The following MOBP variants were observed in gnomAD, a reference collection of about 807,000 sequenced individuals.
MOBP encodes myelin associated oligodendrocyte basic protein.
MOBP carries 5 observed loss-of-function variants against 15.0 expected under a neutral mutation model. The observed-to-expected ratio is 0.33, with a 90% CI of 0.17 to 0.70. The LOEUF (loss-of-function observed/expected upper bound fraction) is 0.70. MOBP is among the 30% of genes least tolerant of loss of function. The pLI, the probability that MOBP is intolerant of heterozygous loss-of-function variation, is 0.67. For missense variants in MOBP, 188 were observed against 257.8 expected (o/e 0.73, Z 1.85); for synonymous variants, 88 against 99.0 (o/e 0.89, Z 0.66).
At chr3:39,495,347 G>C (rs1367215725) in intron 2 of MOBP, among the ~76,000 whole-genome samples, 1 of 151,634 alleles carries the variant, frequency 6.6e-6, no homozygotes, top group Non-Finnish European at 1.5e-5. Context: ...TTAAAATGAA[G>C]ATTAAAAATT....
At chr3:39,523,885 T>C (rs527724265) in intron 3 of MOBP, among the ~76,000 whole-genome samples, 96 of 152,296 alleles carry the variant, frequency 6.3e-4, no homozygotes, top group African/African-American at 2.3e-3. Context: ...CATCTGTGCC[T>C]CAGTTTCTTA....
intron 2 of MOBP, among the ~76,000 whole-genome samples, chr3:39,495,064 C>A (rs1172996717): frequency 6.6e-6 from 1 of 152,104 alleles, no homozygotes; most frequent in Non-Finnish European, 1.5e-5. Context: ...GGCTCCTGTA[C>A]CCAGGAGTAA....
At chr3:39,482,083 T>C (rs1398934266) in intron 2 of MOBP, among the ~76,000 whole-genome samples, 10 of 152,138 alleles carry the variant, frequency 6.6e-5, no homozygotes, top group Non-Finnish European at 1.5e-4. Flanking sequence ...TCAACTTGAA[T>C]CCATTAAAAG....
intron 1 of MOBP, among the ~76,000 whole-genome samples, chr3:39,473,852 G>T (rs1050163635): frequency 1.3e-5 from 2 of 152,180 alleles, no homozygotes; most frequent in Non-Finnish European, 2.9e-5. Flanking sequence ...AAGCTATAAG[G>T]TTGTGTAATA....
intron 4 of MOBP, among the ~76,000 whole-genome samples, chr3:39,512,513 A>G (rs1258263157): frequency 6.6e-6 from 1 of 152,182 alleles, no homozygotes; most frequent in Non-Finnish European, 1.5e-5. Context: ...TTTTTCTGGT[A>G]TCCTCAATCC....
At chr3:39,471,567 C>T (rs1474006775) in intron 1 of MOBP, among the ~76,000 whole-genome samples, 1 of 152,186 alleles carries the variant, frequency 6.6e-6, no homozygotes, top group Non-Finnish European at 1.5e-5. Context: ...ATATGATGGG[C>T]TGACACCAAA....
In MOBP at chr3:39,502,204, C is replaced by A; in HGVS notation, c.135C>A (p.Ser45Arg). 6.2e-7 allele frequency: 1 copy of A among 1,614,234 alleles called. No individual in the cohort carries two copies. The highest frequency in any genetic ancestry group is 8.5e-7 in the Non-Finnish European group (1 of 1,180,038). Residue 45 changes from serine (S) to arginine (R), a missense_variant, in exon 3 of 4, where the codon AGC becomes AGA. By Grantham distance (110) the Ser-to-Arg change is moderately radical (BLOSUM62 -1). Coordinates refer to ENST00000684792, the MANE Select transcript of MOBP (RefSeq NM_001393704.1). This position sits in a 1 kb window ranked among gnomAD's most constrained non-coding sequence, Gnocchi z 6.3. Reference sequence around the variant, plus strand: ...AGGAGATAGTGGATCGGAAATACAGCATCTGTAAGAGCGGCTGCTTCTACC... The same window carrying A: ...AGGAGATAGTGGATCGGAAATACAGAATCTGTAAGAGCGGCTGCTTCTACC... ...SKKEIVDRKY[S>R]ICKSGCFYQK...
chr3:39,486,799 T>C (rs2042717114), intron 2 of MOBP, among the ~76,000 whole-genome samples: 1 of 152,200 alleles, frequency 6.6e-6, no homozygotes, highest in African/African-American at 2.4e-5. Flanking sequence ...TCGGGTTGTT[T>C]TTTCCTAATG....
intron 2 of MOBP, among the ~76,000 whole-genome samples, chr3:39,487,256 T>A (rs1386881485): frequency 6.6e-6 from 1 of 152,058 alleles, no homozygotes; most frequent in Non-Finnish European, 1.5e-5. Context: ...AGTTTTTAAT[T>A]TTGATGTAAT....
downstream of MOBP, chr3:39,529,068 C>G (rs1350554686): frequency 6.6e-6 from 1 of 152,168 alleles, no homozygotes; most frequent in Non-Finnish European, 1.5e-5. Context: ...CTCACTATGA[C>G]TCACTATAAG....
intron 1 of MOBP, among the ~76,000 whole-genome samples, chr3:39,468,092 TA>T (rs57774213): frequency 0.25 from 38,119 of 151,004 alleles, 6,037 homozygotes; most frequent in African/African-American, 0.45. Flanking sequence ...TTTTTTTTTT[TA>T]ATTTATTTCT....
chr3:39,495,569 C>T (rs2042866301), intron 2 of MOBP, among the ~76,000 whole-genome samples: 2 of 151,150 alleles, frequency 1.3e-5, no homozygotes, highest in African/African-American at 4.9e-5. Context: ...CACTTGAGCC[C>T]AGGGAGAGCC....
Position 39,502,544 on chromosome 3 carries a change from C to T in MOBP, c.216C>T (p.Arg72=), listed in dbSNP as rs1381791291. The T allele has an allele frequency of 2.5e-6, 4 of 1,579,280 alleles. 1 individual carries two copies. The South Asian group carries it at 3.4e-5, about 14-fold the overall frequency. ...CCACQKTRTS[R]RAKSPQRPKQ... Reference sequence around the variant, plus strand: ...CTTTTGGCCCTCTCAGAACCAGCCGCCGTGCCAAGTCCCCTCAGAGGCCCA... The same window carrying T: ...CTTTTGGCCCTCTCAGAACCAGCCGTCGTGCCAAGTCCCCTCAGAGGCCCA... Residue 72 remains arginine, a synonymous_variant, in exon 4 of 4, where the codon CGC becomes CGT. Coordinates refer to ENST00000684792, the MANE Select transcript of MOBP (RefSeq NM_001393704.1). This position sits in a 1 kb window ranked among gnomAD's most constrained non-coding sequence, Gnocchi z 6.3.
rs781467178 is a variant in MOBP, at chr3:39,502,588, C to T, written c.260C>T (p.Pro87Leu). 2.4e-5 allele frequency: 37 copies of T among 1,572,838 alleles called. No homozygotes were observed. Among genetic ancestry groups the T allele is most frequent in the Middle Eastern group, 1.7e-4 (1 of 6,024 alleles). Residue 87 changes from proline to leucine, a missense_variant, in exon 4 of 4, where the codon CCC becomes CTC. Pro to Leu is a moderately conservative substitution (Grantham distance 98). Around this residue, in one of 2 missense-constraint regions of MOBP, gnomAD observed 133 missense variants for 212.5 expected, o/e 0.63. Transcript: ENST00000684792. This position sits in a 1 kb window ranked among gnomAD's most constrained non-coding sequence, Gnocchi z 6.3. ...AGGCCCAAGCAACAGCCAGCTGCGC[C>T]CCCCGCGGTGGTCAGAGCGCCAGCC... ...PQRPKQQPAA[P>L]PAVVRAPAKP...
chr3:39,480,245 A>G (rs1319459432), intron 2 of MOBP, 122 bp downstream of exon 2: 4 of 152,212 alleles, frequency 2.6e-5, no homozygotes, highest in Non-Finnish European at 5.9e-5. Flanking sequence ...TCAAATTTTC[A>G]GTAAGAGTTA....
rs114239362 is a variant in MOBP, at chr3:39,508,917, G to A, written c.*-4466G>A. ...TCTGAATATCTGTCTTATACCCCTG[G>A]GAAAACCCCAGCCTTGGATGAACAC... On this transcript the variant is annotated intron_variant, in intron 4 of 4. Coordinates refer to the MOBP transcript ENST00000311042. 5.7e-3 allele frequency among the ~76,000 whole-genome samples: 862 copies of A among 151,896 alleles called. 6 individuals are homozygous for A. The highest frequency in any genetic ancestry group is 6.3e-3 in the Non-Finnish European group (431 of 67,960).
chr3:39,476,886 C>G (rs143757931), intron 1 of MOBP, among the ~76,000 whole-genome samples: 77 of 151,798 alleles, frequency 5.1e-4, no homozygotes, highest in African/African-American at 1.8e-3. Flanking sequence ...TTCCATTGAC[C>G]ATTAAAAAAA....
At chr3:39,522,936 A>C (rs759074181) in intron 3 of MOBP, among the ~76,000 whole-genome samples, 16 of 152,232 alleles carry the variant, frequency 1.1e-4, no homozygotes, top group Non-Finnish European at 1.9e-4. Flanking sequence ...CTAGCCTAGG[A>C]CCAAGTGCAA....
downstream of MOBP, chr3:39,527,594 A>T (rs1462716429): frequency 1.3e-5 from 2 of 152,036 alleles, no homozygotes; most frequent in African/African-American, 4.8e-5. Flanking sequence ...AGTAGCTGGG[A>T]TTACAGGCAC....
Sources: allele counts gnomAD v4.1 joint callset (sites outside exome capture counted in the v4.1 genomes callset), GRCh38; gene constraint gnomAD v4.1.1; regional missense constraint gnomAD v4.1.1; non-coding constraint Gnocchi (gnomAD v3.1); transcripts MANE v1.5; gene names NCBI Gene and HGNC (gene_info 2026-07-23, HGNC 2026-07-21).